The following GPATCH2 variants were observed in gnomAD, a reference collection of about 807,000 sequenced individuals.
The protein encoded by GPATCH2 is G-patch domain containing 2.
GPATCH2 carries 51 observed loss-of-function variants against 58.0 expected under a neutral mutation model. The observed-to-expected ratio is 0.88, with a 90% CI of 0.70 to 1.11. The LOEUF is 1.11. Among genes scored for constraint, GPATCH2 ranks in the 50% most tolerant of loss-of-function variants. The pLI is 0.00. For synonymous variants in GPATCH2, 222 were observed against 218.5 expected (o/e 1.02, Z -0.14); for missense variants, 625 against 652.2 (o/e 0.96, Z 0.45).
At chr1:217,474,708 C>T (rs946115801) in intron 8 of GPATCH2, among the ~76,000 whole-genome samples, 3 of 152,090 alleles carry the variant, frequency 2.0e-5, no homozygotes, top group Non-Finnish European at 2.9e-5. Flanking sequence ...TCATGAACAG[C>T]GGACCATCTA....
At chr1:217,435,659 G>T (rs1658789526) in intron 9 of GPATCH2, among the ~76,000 whole-genome samples, 1 of 152,088 alleles carries the variant, frequency 6.6e-6, no homozygotes, top group South Asian at 2.1e-4. Flanking sequence ...CCAGCTGAGG[G>T]GCTGGGCTAT....
intron 5 of GPATCH2, among the ~76,000 whole-genome samples, chr1:217,544,656 GT>G (rs1664940000): frequency 6.6e-6 from 1 of 152,172 alleles, no homozygotes; most frequent in Admixed American, 6.5e-5. Flanking sequence ...GTATGTGCAA[GT>G]GGGCAATCCC....
intron 5 of GPATCH2, among the ~76,000 whole-genome samples, chr1:217,577,536 T>G (rs1666861649): frequency 6.6e-6 from 1 of 152,200 alleles, no homozygotes; most frequent in Non-Finnish European, 1.5e-5. Flanking sequence ...AATATTTAAT[T>G]AGTATTAGCT....
chr1:217,536,656 G>C (rs1476451795), intron 5 of GPATCH2, among the ~76,000 whole-genome samples: 2 of 152,034 alleles, frequency 1.3e-5, no homozygotes, highest in African/African-American at 2.4e-5. Context: ...CACTAAATCT[G>C]TAATCAATAA....
intron 5 of GPATCH2, among the ~76,000 whole-genome samples, chr1:217,524,947 T>C (rs1663809173): frequency 1.4e-5 from 1 of 71,322 alleles, no homozygotes; most frequent in African/African-American, 4.8e-5. Context: ...AGAGGGAGAT[T>C]TCAGTTTTTG....
intron 9 of GPATCH2, among the ~76,000 whole-genome samples, chr1:217,448,700 C>T (rs57693947): frequency 0.12 from 18,721 of 151,984 alleles, 3,005 homozygotes; most frequent in African/African-American, 0.38. Context: ...ATTATTAGAA[C>T]GACATGATTT....
At chr1:217,605,807 T>G (rs1346635810) in intron 5 of GPATCH2, among the ~76,000 whole-genome samples, 1 of 152,182 alleles carries the variant, frequency 6.6e-6, no homozygotes, top group Non-Finnish European at 1.5e-5. Context: ...TGGATTCACT[T>G]TATAGGTCCT....
chr1:217,610,047 G>A (rs1668549519), intron 5 of GPATCH2: 1 of 1,457,728 alleles, frequency 6.9e-7, no homozygotes, highest in East Asian at 2.6e-5. Context: ...CATCAAAGAG[G>A]CTCTCACTTC....
chr1:217,607,120 T>C (rs1163571623), intron 5 of GPATCH2, among the ~76,000 whole-genome samples: 1 of 152,184 alleles, frequency 6.6e-6, no homozygotes, highest in African/African-American at 2.4e-5. Context: ...TCGTTCCCAT[T>C]GTGGATTCCA....
intron 5 of GPATCH2, among the ~76,000 whole-genome samples, chr1:217,606,541 TAC>T (rs1668369631): frequency 6.6e-6 from 1 of 152,024 alleles, no homozygotes; most frequent in East Asian, 1.9e-4. Flanking sequence ...AGGAGTTTGA[TAC>T]CAGCCTGGAC....
intron 5 of GPATCH2, among the ~76,000 whole-genome samples, chr1:217,523,795 G>GCGGGGGGC (rs539745733): frequency 7.0e-6 from 1 of 143,770 alleles, no homozygotes; most frequent in African/African-American, 2.6e-5. Flanking sequence ...GGCTGGCCAG[G>GCGGGGGGC]TGGGGGGCTG....
At chr1:217,566,451 A>G (rs1666239925) in intron 5 of GPATCH2, among the ~76,000 whole-genome samples, 1 of 152,148 alleles carries the variant, frequency 6.6e-6, no homozygotes, top group Admixed American at 6.6e-5. Context: ...TCCTTTTTGT[A>G]TACTGAATTA....
At chr1:217,554,090 C>T (rs1046398038) in intron 5 of GPATCH2, among the ~76,000 whole-genome samples, 1 of 152,206 alleles carries the variant, frequency 6.6e-6, no homozygotes, top group African/African-American at 2.4e-5. Flanking sequence ...CTAGCTCCAG[C>T]TGATAATGAT....
chr1:217,449,351 T>C lies in GPATCH2; in HGVS notation c.1278-14A>G, dbSNP rs746111544. ...ATGCTTGTTTGCCTACGAATAATTATCAGAAAAAACTATTAACAAAGAAGA... is the reference window on the plus strand; with the variant it reads ...ATGCTTGTTTGCCTACGAATAATTACCAGAAAAAACTATTAACAAAGAAGA... On this transcript the variant is annotated splice_polypyrimidine_tract_variant and intron_variant, in intron 8 of 9. Transcript: ENST00000366935. The C allele has an allele frequency of 1.1e-5, 17 of 1,488,808 alleles. No homozygotes were observed. The African/African-American group carries it at 2.1e-4, about 18-fold the overall frequency. The allele number at this position is 1,488,808 out of a possible 1,614,324, so 92.2% of individuals were successfully genotyped here. A position where few individuals can be genotyped will look rare whatever the true frequency, so the allele number is the denominator to read the frequency against.
At chr1:217,580,140 C>G (rs956279270) in intron 5 of GPATCH2, among the ~76,000 whole-genome samples, 1 of 152,150 alleles carries the variant, frequency 6.6e-6, no homozygotes, top group African/African-American at 2.4e-5. Flanking sequence ...CTTCAACAGA[C>G]AAGCACAAGA....
chr1:217,532,273 G>T (rs1014179215), intron 5 of GPATCH2, among the ~76,000 whole-genome samples: 5 of 152,140 alleles, frequency 3.3e-5, no homozygotes, highest in Non-Finnish European at 7.3e-5. Context: ...CTCAGAAGCT[G>T]CATATTAAAT....
chr1:217,456,175 A>C (rs561998648), intron 8 of GPATCH2, among the ~76,000 whole-genome samples: 1 of 152,164 alleles, frequency 6.6e-6, no homozygotes, highest in Non-Finnish European at 1.5e-5. Context: ...GTTAACACTT[A>C]AGCTGTCTGT....
intron 8 of GPATCH2, among the ~76,000 whole-genome samples, chr1:217,463,986 G>A (rs1273049124): frequency 6.6e-6 from 1 of 152,132 alleles, no homozygotes; most frequent in Non-Finnish European, 1.5e-5. Context: ...ACTTAATGGT[G>A]TGTGAAGGAC....
At chr1:217,577,121 G>T (rs897612860) in intron 5 of GPATCH2, among the ~76,000 whole-genome samples, 1 of 152,154 alleles carries the variant, frequency 6.6e-6, no homozygotes, top group Non-Finnish European at 1.5e-5. Context: ...GCTAAGCAAA[G>T]ATTTAATAGA....
Sources: gnomAD v4.1 joint callset for allele counts (sites outside exome capture counted in the v4.1 genomes callset) on GRCh38, gnomAD v4.1.1 for gene constraint, MANE v1.5 for transcripts, NCBI Gene and HGNC (gene_info 2026-07-23, HGNC 2026-07-21) for gene names.